The following CHM variants were observed in gnomAD, a reference collection of about 807,000 sequenced individuals.
CHM encodes rab proteins geranylgeranyltransferase component A 1.
Under a neutral mutation model 49.0 loss-of-function variants are expected in CHM, and 10 were observed. That is an observed-to-expected ratio of 0.20 (90% CI 0.13 to 0.35). The LOEUF (loss-of-function observed/expected upper bound fraction) is 0.35. CHM is among the 10% of genes least tolerant of loss of function. The pLI, the probability that CHM is intolerant of heterozygous loss-of-function variation, is 1.00. For missense variants in CHM, 455 were observed against 478.4 expected (o/e 0.95, Z 0.46); for synonymous variants, 184 against 167.5 (o/e 1.10, Z -0.76).
At chrX:85,979,981 A>G (rs998471088) in intron 3 of CHM, among the ~76,000 whole-genome samples, 3 of 111,662 alleles carry the variant, frequency 2.7e-5, no homozygotes, top group Admixed American at 9.5e-5. Flanking sequence ...AGCCTAAGAA[A>G]AGAACTGTGG....
chrX:85,927,182 T>TA (rs1320298316), intron 8 of CHM, among the ~76,000 whole-genome samples: 1 of 112,177 alleles, frequency 8.9e-6, no homozygotes, highest in Non-Finnish European at 1.9e-5. Context: ...CCCAGTAATT[T>TA]AAAAATTGTT....
chrX:85,951,556 T>A (rs894479349), intron 8 of CHM, among the ~76,000 whole-genome samples: 2 of 111,395 alleles, frequency 1.8e-5, no homozygotes, highest in Non-Finnish European at 3.8e-5. Context: ...CCAACACATA[T>A]AACTGAAAAA....
At chrX:85,914,068 G>A (rs912076831) in intron 8 of CHM, among the ~76,000 whole-genome samples, 2 of 111,573 alleles carry the variant, frequency 1.8e-5, no homozygotes, top group Non-Finnish European at 3.8e-5. Context: ...GTTCACCTTT[G>A]TCATGGACCT....
intron 1 of CHM, among the ~76,000 whole-genome samples, chrX:86,028,802 C>T (rs896740053): frequency 9.0e-6 from 1 of 111,242 alleles, no homozygotes; most frequent in Non-Finnish European, 1.9e-5. Context: ...CTACTACGAA[C>T]TCCTTCACCA....
intron 14 of CHM, among the ~76,000 whole-genome samples, chrX:85,868,207 T>C (rs921467356): frequency 1.8e-5 from 2 of 111,833 alleles, no homozygotes; most frequent in African/African-American, 6.5e-5. Context: ...CACTTATATG[T>C]AGAATCTAAA....
At chrX:85,972,845 A>G (rs1041472158) in intron 4 of CHM, among the ~76,000 whole-genome samples, 6 of 112,429 alleles carry the variant, frequency 5.3e-5, no homozygotes, top group African/African-American at 1.9e-4. Flanking sequence ...AAGTGCCGCC[A>G]AAGTGGGAAC....
intron 1 of CHM, among the ~76,000 whole-genome samples, chrX:86,035,967 G>A (rs1287224020): frequency 9.2e-6 from 1 of 108,987 alleles, no homozygotes; most frequent in African/African-American, 3.3e-5. Flanking sequence ...CTAATTTTTT[G>A]TATTTTTAGT....
intron 8 of CHM, among the ~76,000 whole-genome samples, chrX:85,944,464 C>A (rs1406086535): frequency 1.8e-5 from 2 of 112,239 alleles, no homozygotes; most frequent in African/African-American, 3.2e-5. Flanking sequence ...CCATTTTGGG[C>A]ATAGTCCTGT....
intron 9 of CHM, among the ~76,000 whole-genome samples, chrX:85,909,744 C>T (rs1231258092): frequency 8.9e-6 from 1 of 111,894 alleles, no homozygotes; most frequent in Admixed American, 9.5e-5. Context: ...AAAAAACAAA[C>T]AAACAAACAA....
chrX:86,007,139 G>A (rs1452135591), intron 2 of CHM, among the ~76,000 whole-genome samples: 2 of 111,863 alleles, frequency 1.8e-5, no homozygotes, highest in Non-Finnish European at 3.8e-5. Context: ...TGATAAACCT[G>A]ACAAAAACAA....
chrX:85,974,599 C>G (rs1290474240), intron 4 of CHM, among the ~76,000 whole-genome samples: 1 of 110,968 alleles, frequency 9.0e-6, no homozygotes, highest in Non-Finnish European at 1.9e-5. Flanking sequence ...GTACAATCAA[C>G]TGATTTTTGA....
At chrX:85,973,191 C>G (rs1367815460) in intron 4 of CHM, among the ~76,000 whole-genome samples, 2 of 101,820 alleles carry the variant, frequency 2.0e-5, no homozygotes, top group Non-Finnish European at 3.9e-5. Context: ...CCCAGCTACT[C>G]GGGAGGCTGA....
chrX:85,945,980 T>C (rs1366991315), intron 8 of CHM, among the ~76,000 whole-genome samples: 2 of 112,148 alleles, frequency 1.8e-5, no homozygotes, highest in South Asian at 3.7e-4. Flanking sequence ...GTTCTGTTCA[T>C]GTCCGGGGGA....
intron 11 of CHM, among the ~76,000 whole-genome samples, chrX:85,900,127 G>A (rs974874818): frequency 9.0e-6 from 1 of 111,646 alleles, no homozygotes; most frequent in Admixed American, 9.5e-5. Flanking sequence ...ATGGAAGAAT[G>A]GGTTTTTTAA....
chrX:85,908,673 T>C (rs1926749055), intron 9 of CHM, among the ~76,000 whole-genome samples: 1 of 111,272 alleles, frequency 9.0e-6, no homozygotes, highest in Non-Finnish European at 1.9e-5. Flanking sequence ...AAGAGATTCA[T>C]ATACAGAATC....
chrX:86,013,736 A>AAAAAAAAAAG (rs1304514562), intron 2 of CHM, among the ~76,000 whole-genome samples: 2 of 110,690 alleles, frequency 1.8e-5, no homozygotes, highest in African/African-American at 3.3e-5. Flanking sequence ...TTCGTCTCAA[A>AAAAAAAAAAG]AAAAAAAAAG....
intron 9 of CHM, among the ~76,000 whole-genome samples, chrX:85,905,199 T>TCCTA (rs753618666): frequency 7.2e-5 from 8 of 111,485 alleles, no homozygotes; most frequent in Non-Finnish European, 1.5e-4. Context: ...TCAGCAGTTT[T>TCCTA]CCTACCTCAA....
intron 11 of CHM, 143 bp downstream of exon 11, chrX:85,900,501 TAA>T (rs1416684558): frequency 1.3e-5 from 6 of 468,776 alleles, no homozygotes; most frequent in Non-Finnish European, 2.3e-5. Context: ...AAGTAGATCT[TAA>T]GTGTTCTCAC....
intron 8 of CHM, among the ~76,000 whole-genome samples, chrX:85,948,305 G>A (rs1929531773): frequency 8.9e-6 from 1 of 111,858 alleles, no homozygotes; most frequent in Non-Finnish European, 1.9e-5. Flanking sequence ...TATATATCCT[G>A]TGCAATGTGC....
Sources: allele counts gnomAD v4.1 joint callset (sites outside exome capture counted in the v4.1 genomes callset), GRCh38; gene constraint gnomAD v4.1.1; transcripts MANE v1.5; gene names NCBI Gene and HGNC (gene_info 2026-07-23, HGNC 2026-07-21).